Variants in CDH12 observed in about 807,000 individuals in gnomAD.
CDH12 encodes the protein cadherin-12.
In CDH12, 41 loss-of-function variants were observed where a neutral mutation model predicts 74.1. The ratio of observed to expected loss-of-function variants is 0.55; its 90% confidence interval spans 0.43 to 0.72. The LOEUF (loss-of-function observed/expected upper bound fraction) is 0.72, where lower values mean the gene tolerates loss of function less well. CDH12 is among the 30% of genes least tolerant of loss of function. CDH12 has a pLI of 0.00. For synonymous variants in CDH12, 399 were observed against 355.0 expected (o/e 1.12, Z -1.39); for missense variants, 945 against 977.2 (o/e 0.97, Z 0.44).
chr5:22,139,858 C>A (rs893271251), intron 4 of CDH12, among the ~76,000 whole-genome samples: 1 of 152,116 alleles, frequency 6.6e-6, no homozygotes, highest in African/African-American at 2.4e-5. Flanking sequence ...TGTCTCAGTT[C>A]ATAGATATGA....
chr5:21,818,210 G>C (rs1748168604), intron 8 of CDH12, among the ~76,000 whole-genome samples: 1 of 151,866 alleles, frequency 6.6e-6, no homozygotes, highest in Non-Finnish European at 1.5e-5. Flanking sequence ...GATTTAGAAT[G>C]GCTCTTTCCC....
intron 6 of CDH12, among the ~76,000 whole-genome samples, chr5:21,929,675 A>C (rs1252541332): frequency 1.3e-5 from 2 of 151,778 alleles, no homozygotes; most frequent in African/African-American, 2.4e-5. Context: ...GTGCCACCAC[A>C]CCTGGCTACT....
At chr5:21,856,552 C>T (rs548668747) in intron 6 of CDH12, among the ~76,000 whole-genome samples, 23 of 151,576 alleles carry the variant, frequency 1.5e-4, no homozygotes, top group African/African-American at 2.9e-4. Flanking sequence ...AAACTAATAC[C>T]GTATTGCAAT....
At chr5:22,827,158 G>A (rs541467614) in intron 1 of CDH12, among the ~76,000 whole-genome samples, 6 of 152,290 alleles carry the variant, frequency 3.9e-5, no homozygotes, top group South Asian at 4.1e-4. Context: ...TCCAGCCATG[G>A]CTGAAATGGG....
intron 1 of CDH12, among the ~76,000 whole-genome samples, chr5:22,800,920 C>T (rs982873030): frequency 6.6e-6 from 1 of 151,892 alleles, no homozygotes; most frequent in Non-Finnish European, 1.5e-5. Flanking sequence ...TCTGATTGTA[C>T]TATAGTTTAT....
At chr5:21,792,312 A>G (rs567663183) in intron 10 of CDH12, among the ~76,000 whole-genome samples, 12 of 151,838 alleles carry the variant, frequency 7.9e-5, no homozygotes, top group Non-Finnish European at 1.5e-4. Flanking sequence ...CTTTTTTCTT[A>G]TCTTCCTCCT....
chr5:22,120,377 A>G (rs1287521972), intron 4 of CDH12, among the ~76,000 whole-genome samples: 1 of 152,178 alleles, frequency 6.6e-6, no homozygotes, highest in Non-Finnish European at 1.5e-5. Flanking sequence ...AAGGACAAAC[A>G]TTATGTATCA....
chr5:22,195,807 T>C (rs181240230), intron 4 of CDH12, among the ~76,000 whole-genome samples: 3,226 of 152,286 alleles, frequency 0.021, 42 homozygotes, highest in Middle Eastern at 0.075. Flanking sequence ...TTATTTCTTG[T>C]TCCTAAATTT....
intron 3 of CDH12, among the ~76,000 whole-genome samples, chr5:22,226,352 A>G (rs1045442932): frequency 1.3e-4 from 20 of 152,052 alleles, no homozygotes; most frequent in African/African-American, 4.8e-4. Flanking sequence ...GCACCCTATA[A>G]AAACAGTGTT....
At chr5:22,146,112 G>T (rs1747159613) in intron 4 of CDH12, among the ~76,000 whole-genome samples, 1 of 152,062 alleles carries the variant, frequency 6.6e-6, no homozygotes, top group African/African-American at 2.4e-5. Context: ...TTTTAACTCC[G>T]AAATTCTAAT....
intron 1 of CDH12, among the ~76,000 whole-genome samples, chr5:22,652,658 C>A (rs1739803019): frequency 4.6e-5 from 7 of 152,004 alleles, no homozygotes; most frequent in Admixed American, 4.6e-4. Flanking sequence ...GAGCAGATAT[C>A]AAATATAGAC....
intron 1 of CDH12, among the ~76,000 whole-genome samples, chr5:22,551,989 T>C (rs1198500141): frequency 6.6e-6 from 1 of 151,690 alleles, no homozygotes; most frequent in African/African-American, 2.4e-5. Context: ...ATTGTTGTTT[T>C]TTGGCAATAT....
At chr5:21,788,045 T>C (rs1290478011) in intron 10 of CDH12, among the ~76,000 whole-genome samples, 2 of 152,164 alleles carry the variant, frequency 1.3e-5, no homozygotes, top group East Asian at 3.9e-4. Context: ...AAGTATTTGC[T>C]GAGTGTCCAC....
chr5:22,146,756 A>T (rs933212056), intron 4 of CDH12, among the ~76,000 whole-genome samples: 6 of 152,176 alleles, frequency 3.9e-5, no homozygotes, highest in African/African-American at 1.4e-4. Context: ...AGAAAAAATA[A>T]ATCATATATA....
Position 21,751,934 on chromosome 5 carries a change from C to G in CDH12, c.2188G>C (p.Ala730Pro). ...GTGGCCAGTGAATCGTATGGTGGGGCAGTTGGATCCACATCATTTTCCTGT... is the reference window on the plus strand; with the variant it reads ...GTGGCCAGTGAATCGTATGGTGGGGGAGTTGGATCCACATCATTTTCCTGT... ...RLQENDVDPT[A>P]PPYDSLATYA... The change falls in exon 15 of 15, where the codon GCC becomes CCC. Residue 730 changes from alanine to proline, a missense_variant. Ala to Pro is a conservative substitution (Grantham distance 27). Transcript: ENST00000382254. The G allele has an allele frequency of 6.2e-7, 1 of 1,613,952 alleles. No individual in the cohort carries two copies. The highest frequency in any genetic ancestry group is 1.1e-5 in the South Asian group (1 of 91,076).
intron 4 of CDH12, among the ~76,000 whole-genome samples, chr5:22,164,854 G>T (rs1310912434): frequency 7.0e-6 from 1 of 142,374 alleles, no homozygotes; most frequent in Admixed American, 7.2e-5. Context: ...AGTCAGCCTA[G>T]GAAATCCAGC....
chr5:22,679,791 G>A (rs931838062), intron 1 of CDH12, among the ~76,000 whole-genome samples: 2 of 152,086 alleles, frequency 1.3e-5, no homozygotes, highest in Admixed American at 6.6e-5. Context: ...ACATAAAGAT[G>A]TTGCCAGAGG....
At chr5:22,150,667 A>G (rs1747513927) in intron 4 of CDH12, among the ~76,000 whole-genome samples, 1 of 152,194 alleles carries the variant, frequency 6.6e-6, no homozygotes, top group Non-Finnish European at 1.5e-5. Flanking sequence ...TGGGGTGGCC[A>G]AAAGAAATGG....
At chr5:21,993,750 A>T (rs1736104970) in intron 5 of CDH12, among the ~76,000 whole-genome samples, 1 of 152,018 alleles carries the variant, frequency 6.6e-6, no homozygotes, top group African/African-American at 2.4e-5. Context: ...CAAAGAACTC[A>T]TTCACACTGG....
Sources: gnomAD v4.1 joint callset for allele counts (sites outside exome capture counted in the v4.1 genomes callset) on GRCh38, gnomAD v4.1.1 for gene constraint, MANE v1.5 for transcripts, NCBI Gene and HGNC (gene_info 2026-07-23, HGNC 2026-07-21) for gene names.